The following RYR1 variants were observed in gnomAD, a reference collection of about 807,000 sequenced individuals.
RYR1 encodes the protein central core disease of muscle.
A neutral mutation model predicts 583.5 loss-of-function variants in RYR1; 342 were observed. That is an observed-to-expected ratio of 0.59 (90% CI 0.54 to 0.64). The LOEUF (loss-of-function observed/expected upper bound fraction) is 0.64. RYR1 is among the 30% of genes least tolerant of loss of function. The probability of loss-of-function intolerance (pLI) is 0.00; values close to 1 mark genes in which losing one functional copy is unlikely to be tolerated. For missense variants in RYR1, 6,032 were observed against 6,917.2 expected, an observed-to-expected ratio of 0.87 and a Z score of 4.54; for synonymous variants, 2,791 against 2,822.5, an observed-to-expected ratio of 0.99 and a Z score of 0.35.
intron 102 of RYR1, among the ~76,000 whole-genome samples, 160 bp from the exon 103 acceptor site, chr19:38,585,778 C>T (rs1479916730): frequency 2.0e-5 from 3 of 151,920 alleles, no homozygotes; most frequent in Non-Finnish European, 4.4e-5. Context: ...CCACCGCACC[C>T]GGCCAATAAA....
chr19:38,443,585 C>T lies in RYR1; in HGVS notation c.298C>T (p.Leu100Phe). 1 of 1,614,120 alleles carries T rather than the reference C, an allele frequency of 6.2e-7. No individual in the cohort carries two copies. The highest frequency in any genetic ancestry group is 1.1e-5 in the South Asian group (1 of 91,086). Residue 100 changes from leucine to phenylalanine, a missense_variant, in exon 4 of 106, where the codon CTC (leucine) becomes TTC (phenylalanine). Coordinates refer to ENST00000359596, the MANE Select transcript of RYR1 (RefSeq NM_000540.3). ...ESSQGGGHRT[L>F]LYGHAILLRH... ...ATCCCAGGGCGGGGGACACAGGACG[C>T]TCCTGTATGGCCATGCCATCCTGCT...
chr19:38,581,278 C>T (rs561786645), intron 101 of RYR1, among the ~76,000 whole-genome samples: 1 of 152,254 alleles, frequency 6.6e-6, no homozygotes, highest in East Asian at 1.9e-4. Flanking sequence ...GGGGTTTCAC[C>T]ATGTTAGCCA....
intron 57 of RYR1, among the ~76,000 whole-genome samples, chr19:38,507,325 G>A (rs1766355462): frequency 7.9e-6 from 1 of 126,344 alleles, no homozygotes; most frequent in Admixed American, 9.2e-5. Flanking sequence ...CAGAGGTAGG[G>A]CCAAAGAGGA....
intron 84 of RYR1, among the ~76,000 whole-genome samples, chr19:38,542,511 AT>A (rs1183621291): frequency 6.6e-6 from 1 of 151,894 alleles, no homozygotes. Flanking sequence ...TTTATATTTT[AT>A]TTTTTTATAT....
rs747284752 is a variant in RYR1, at chr19:38,455,296, A to G, written c.1502A>G (p.His501Arg). Residue 501 changes from histidine to arginine, a missense_variant, in exon 14 of 106, where the codon CAC becomes CGC. By Grantham distance (29) the His-to-Arg change is conservative. Transcript: ENST00000359596. The part of the protein sequence containing the change: ...DRLNVYTTAA[H>R]FAEFAGEEAA... Reference sequence around the variant, plus strand: ...CTAAATGTCTACACCACTGCTGCCCACTTTGCTGAGTTTGCAGGGGAGGAG... The same window carrying G: ...CTAAATGTCTACACCACTGCTGCCCGCTTTGCTGAGTTTGCAGGGGAGGAG... 1.9e-6 allele frequency: 3 copies of G among 1,613,946 alleles called. No individual in the cohort carries two copies. Among genetic ancestry groups the G allele is most frequent in the African/African-American group, 1.3e-5 (1 of 74,868 alleles).
Position 38,529,147 on chromosome 19 carries a change from C to T in RYR1, c.11141+90C>T. The T allele has an allele frequency of 2.3e-6, 3 of 1,319,322 alleles. No homozygotes were observed. The South Asian group carries it at 3.6e-5, about 16-fold the overall frequency. 81.7% of individuals were successfully genotyped at this position (1,319,322 alleles called of 1,614,324 possible). On this transcript the variant is annotated intron_variant, in intron 76 of 105. Transcript: ENST00000359596. ...GCTTCCCTGTGCCTCAGGAGAGGCC[C>T]TCCAGGTCCTGGGGGAGCCCAAGAC...
At chr19:38,472,031 G>A (rs932881177) in intron 27 of RYR1, among the ~76,000 whole-genome samples, 1 of 152,070 alleles carries the variant, frequency 6.6e-6, no homozygotes, top group Non-Finnish European at 1.5e-5. Context: ...TCAACGTGAG[G>A]AGGGGCATGA....
chr19:38,479,019 C>T (rs751192374), intron 31 of RYR1, among the ~76,000 whole-genome samples: 11 of 152,136 alleles, frequency 7.2e-5, no homozygotes, highest in East Asian at 1.9e-4. Context: ...CCACCCACCT[C>T]GGCCTCCCAA....
Position 38,525,365 on chromosome 19 carries a change from A to C in RYR1, c.10489A>C (p.Lys3497Gln), listed in dbSNP as rs754849970. The C allele has an allele frequency of 1.2e-5, 19 of 1,613,198 alleles. No individual in the cohort carries two copies. Among genetic ancestry groups the C allele is most frequent in the African/African-American group, 4.0e-5 (3 of 74,752 alleles). Residue 3497 changes from lysine (K) to glutamine (Q), a missense_variant, in exon 71 of 106, where the codon AAG becomes CAG. Around this residue, in one of 11 missense-constraint regions of RYR1, gnomAD observed 1,493 missense variants for 1,715.5 expected, o/e 0.87. Transcript: ENST00000359596. ...CTCGGACCAGGAACGCACCAAGAAG[A>C]AGCGCCGGGGGGACCGGTACTCTGT... ...GGSDQERTKKKRRGDRYSVQT... is the reference protein window; with the variant it reads ...GGSDQERTKKQRRGDRYSVQT...
rs1006769204 is a variant in RYR1, at chr19:38,580,393, G to C, written c.14535G>C (p.Leu4845=). The C allele has an allele frequency of 1.9e-6, 3 of 1,614,066 alleles. No homozygotes were observed. Among genetic ancestry groups the C allele is most frequent in the Non-Finnish European group, 2.5e-6 (3 of 1,180,042 alleles). ...GKQLVMTVGL[L]AVVVYLYTVV... ...AGCTGGTGATGACCGTGGGCCTTCT[G>C]GCGGTGGTCGTCTACCTGTACACCG... Residue 4845 remains leucine, a synonymous_variant, in exon 101 of 106, where the codon CTG becomes CTC. Transcript: ENST00000359596.
At chr19:38,492,409 T>C in intron 37 of RYR1, 81 bp from the exon 38 acceptor site, 1 of 1,356,256 alleles carries the variant, frequency 7.4e-7, no homozygotes. Flanking sequence ...TGCATGCACA[T>C]ATGCACAAAT....
intron 90 of RYR1, among the ~76,000 whole-genome samples, chr19:38,562,814 G>T (rs923790689): frequency 6.6e-6 from 1 of 152,156 alleles, no homozygotes; most frequent in Non-Finnish European, 1.5e-5. Flanking sequence ...CACACTTTTG[G>T]CATCTTCCCA....
chr19:38,492,371 A>G (rs544434086), intron 37 of RYR1, 119 bp from the exon 38 acceptor site: 2 of 1,186,258 alleles, frequency 1.7e-6, no homozygotes, highest in Admixed American at 2.3e-5. Flanking sequence ...AAAAAAAAAA[A>G]AAAAAAGGAA....
intron 65 of RYR1, 122 bp downstream of exon 65, chr19:38,516,339 A>G: frequency 8.3e-7 from 1 of 1,210,216 alleles, no homozygotes. Flanking sequence ...AGGATTCCCC[A>G]GGTTGGGAGT....
Position 38,565,171 on chromosome 19 carries a change from G to A in RYR1, c.12837G>A (p.Ala4279=), listed in dbSNP as rs1355927261. The A allele has an allele frequency of 6.6e-6, 9 of 1,369,572 alleles. No individual in the cohort carries two copies. Among genetic ancestry groups the A allele is most frequent in the Admixed American group, 5.5e-5 (2 of 36,092 alleles). 84.8% of individuals were successfully genotyped at this position (1,369,572 alleles called of 1,614,324 possible). The part of the protein sequence containing the change: ...EAGAEGAEEG[A]AGLEGTAATA... ...GCGCGGAAGGCGCGGAGGAGGGCGC[G>A]GCGGGGCTCGAGGGCACGGCGGCCA... Residue 4279 remains alanine (A), a synonymous_variant, in exon 91 of 106, where the codon GCG becomes GCA. Coordinates refer to ENST00000359596, the MANE Select transcript of RYR1 (RefSeq NM_000540.3). The surrounding 1 kb of genome is among the most constrained non-coding windows in gnomAD (Gnocchi z 4.7).
At position 38,543,968 on chromosome 19, in the gene RYR1, G is replaced by A. The variant is rs966063880; in HGVS notation, c.12012+93G>A. ...TGCCCCTTTGGTCAGTTTGTCACCCGAGTGCTCCCGGCATGTTCCAGACTG... is the reference window on the plus strand; with the variant it reads ...TGCCCCTTTGGTCAGTTTGTCACCCAAGTGCTCCCGGCATGTTCCAGACTG... On this transcript the variant is annotated intron_variant, in intron 87 of 105. Transcript: ENST00000359596. The surrounding 1 kb of genome is among the most constrained non-coding windows in gnomAD (Gnocchi z 4.4). 11 of 1,236,064 alleles carry A rather than the reference G, an allele frequency of 8.9e-6. No individual in the cohort carries two copies. Among genetic ancestry groups the A allele is most frequent in the East Asian group, 2.5e-5 (1 of 39,794 alleles). The allele number at this position is 1,236,064 out of a possible 1,614,324, so 76.6% of individuals were successfully genotyped here.
intron 101 of RYR1, 99 bp from the exon 102 acceptor site, chr19:38,584,844 C>T (rs1974396294): frequency 1.4e-6 from 2 of 1,437,688 alleles, no homozygotes; most frequent in African/African-American, 1.4e-5. Context: ...AGGGCTGTCT[C>T]AGTCGTTACC....
chr19:38,570,904 C>G (rs1424637430), intron 94 of RYR1, among the ~76,000 whole-genome samples: 2 of 152,212 alleles, frequency 1.3e-5, no homozygotes, highest in Non-Finnish European at 2.9e-5. Context: ...GGGACAGAAG[C>G]CTGAGTGTCT....
chr19:38,449,610 C>T (rs772756989), intron 11 of RYR1, among the ~76,000 whole-genome samples: 3 of 152,224 alleles, frequency 2.0e-5, no homozygotes, highest in East Asian at 1.9e-4. Context: ...TGAGCTGTAG[C>T]GACCTGTTCC....
Sources: gnomAD v4.1 joint callset for allele counts (sites outside exome capture counted in the v4.1 genomes callset) on GRCh38, gnomAD v4.1.1 for gene constraint, gnomAD v4.1.1 regional missense constraint, Gnocchi (gnomAD v3.1) non-coding constraint, MANE v1.5 for transcripts, NCBI Gene and HGNC (gene_info 2026-07-23, HGNC 2026-07-21) for gene names.